NRG3: variants seen among roughly 807,000 people sequenced by gnomAD.
NRG3 encodes the protein neuregulin 3.
In NRG3, 31 loss-of-function variants were observed where a neutral mutation model predicts 66.9. The observed-to-expected ratio is 0.46, with a 90% confidence interval of 0.35 to 0.63. The LOEUF (loss-of-function observed/expected upper bound fraction) is 0.63. NRG3 is among the 20% of genes least tolerant of loss of function. The pLI, the probability that NRG3 is intolerant of heterozygous loss-of-function variation, is 0.00. For synonymous variants in NRG3, 393 were observed against 359.4 expected, an observed-to-expected ratio of 1.09 and a Z score of -1.06; for missense variants, 910 against 878.9, an observed-to-expected ratio of 1.04 and a Z score of -0.45.
intron 2 of NRG3, among the ~76,000 whole-genome samples, chr10:82,577,853 T>C (rs978754404): frequency 2.0e-5 from 3 of 151,856 alleles, no homozygotes; most frequent in Non-Finnish European, 4.4e-5. Context: ...CTCTCAACAA[T>C]TTATTTTCTC....
At chr10:82,290,734 A>G (rs1479339924) in intron 1 of NRG3, among the ~76,000 whole-genome samples, 1 of 151,266 alleles carries the variant, frequency 6.6e-6, no homozygotes, top group Non-Finnish European at 1.5e-5. Flanking sequence ...TCCTGGGTTC[A>G]CACCATCTCC....
chr10:82,372,968 A>C (rs1232897061), intron 2 of NRG3, among the ~76,000 whole-genome samples: 1 of 152,218 alleles, frequency 6.6e-6, no homozygotes, highest in African/African-American at 2.4e-5. Context: ...ATATCCACTT[A>C]AGGATGCGTT....
intron 4 of NRG3, among the ~76,000 whole-genome samples, chr10:82,905,313 C>T (rs1844623617): frequency 6.6e-6 from 1 of 152,104 alleles, no homozygotes; most frequent in Non-Finnish European, 1.5e-5. Context: ...CCATCCAGTC[C>T]TCCATTCCAT....
At chr10:82,863,727 G>T (rs938051461) in intron 3 of NRG3, among the ~76,000 whole-genome samples, 2 of 151,940 alleles carry the variant, frequency 1.3e-5, no homozygotes, top group Non-Finnish European at 2.9e-5. Flanking sequence ...TCTTTGTATT[G>T]CACATTCTCT....
At position 82,141,291 on chromosome 10, in the gene NRG3, G is replaced by A. The variant is rs765601719; in HGVS notation, c.824-217448G>A. Among the ~76,000 whole-genome samples, 4 of 152,080 alleles carry A rather than the reference G, an allele frequency of 2.6e-5. No homozygotes were observed. The South Asian group carries it at 8.3e-4, about 32-fold the overall frequency. On this transcript the variant is annotated intron_variant, in intron 1 of 8. Coordinates refer to ENST00000372141, the MANE Select transcript of NRG3 (RefSeq NM_001010848.4). ...TCTCAAAATTTTTCCTTTTGCAAAT[G>A]TGCTTTTTAGATAACTCACTGGACC...
At chr10:82,600,199 T>G (rs1390918583) in intron 2 of NRG3, among the ~76,000 whole-genome samples, 2 of 152,134 alleles carry the variant, frequency 1.3e-5, no homozygotes, top group African/African-American at 4.8e-5. Context: ...TCAATAGCTG[T>G]AAGTATCAGG....
intron 1 of NRG3, among the ~76,000 whole-genome samples, chr10:82,096,255 T>C (rs2066336169): frequency 6.6e-6 from 1 of 152,076 alleles, no homozygotes. Flanking sequence ...GGTGGGCAGA[T>C]CATGAGGTCA....
At chr10:82,580,877 A>T (rs1044770077) in intron 2 of NRG3, among the ~76,000 whole-genome samples, 2 of 149,266 alleles carry the variant, frequency 1.3e-5, no homozygotes, top group Admixed American at 1.4e-4. Flanking sequence ...GCTGTTAGAA[A>T]CATTTGTATG....
At chr10:82,459,037 G>T (rs1249699123) in intron 2 of NRG3, among the ~76,000 whole-genome samples, 1 of 152,148 alleles carries the variant, frequency 6.6e-6, no homozygotes, top group African/African-American at 2.4e-5. Flanking sequence ...AGCCAGAGCA[G>T]TTTGCTCCAT....
chr10:82,220,430 C>T (rs554113590), intron 1 of NRG3, among the ~76,000 whole-genome samples: 11 of 152,198 alleles, frequency 7.2e-5, no homozygotes, highest in African/African-American at 2.6e-4. Flanking sequence ...AAAACAGCTT[C>T]AGGAAACCTT....
chr10:82,510,699 C>A lies in NRG3; in HGVS notation c.953+151831C>A, dbSNP rs182316272. ...TGAAGTAGGCTAAGGATATTGAGTTCTCTTCCCTTTTATCTCCGTATCCTT... is the reference window on the plus strand; with the variant it reads ...TGAAGTAGGCTAAGGATATTGAGTTATCTTCCCTTTTATCTCCGTATCCTT... On this transcript the variant is annotated intron_variant, in intron 2 of 8. Transcript: ENST00000372141. Among the ~76,000 whole-genome samples the A allele has an allele frequency of 5.3e-5, 8 of 152,312 alleles. No individual in the cohort carries two copies. The East Asian group carries it at 1.4e-3, about 26-fold the overall frequency.
chr10:81,904,827 C>T (rs1844429959), intron 1 of NRG3, among the ~76,000 whole-genome samples: 2 of 152,128 alleles, frequency 1.3e-5, no homozygotes, highest in South Asian at 4.1e-4. Flanking sequence ...CTCCTCTCAG[C>T]CCATGTTTCC....
intron 1 of NRG3, among the ~76,000 whole-genome samples, chr10:82,167,273 A>T (rs1590382365): frequency 6.6e-6 from 1 of 152,044 alleles, no homozygotes; most frequent in Non-Finnish European, 1.5e-5. Context: ...TTATTCTGGC[A>T]TGCAATTAAT....
chr10:81,917,758 T>C (rs1442444577), intron 1 of NRG3, among the ~76,000 whole-genome samples: 1 of 152,242 alleles, frequency 6.6e-6, no homozygotes, highest in Admixed American at 6.5e-5. Flanking sequence ...TCATGCATTT[T>C]AGAAAACGTG....
intron 1 of NRG3, among the ~76,000 whole-genome samples, chr10:82,134,780 AAAATTT>A (rs1415649030): frequency 6.6e-6 from 1 of 151,998 alleles, no homozygotes; most frequent in African/African-American, 2.4e-5. Flanking sequence ...AAATTCATAT[AAAATTT>A]AAATTTAAAT....
chr10:82,444,583 G>A (rs2090617231), intron 2 of NRG3, among the ~76,000 whole-genome samples: 1 of 152,098 alleles, frequency 6.6e-6, no homozygotes, highest in South Asian at 2.1e-4. Flanking sequence ...GAAAATGAGG[G>A]GAGGGCCTTC....
At chr10:81,952,103 A>AG (rs1849417041) in intron 1 of NRG3, among the ~76,000 whole-genome samples, 1 of 145,268 alleles carries the variant, frequency 6.9e-6, no homozygotes, top group Non-Finnish European at 1.5e-5. Context: ...GGGTGGGGGA[A>AG]GGGGGGAGGG....
At chr10:82,629,149 G>A (rs1222132212) in intron 2 of NRG3, among the ~76,000 whole-genome samples, 1 of 152,134 alleles carries the variant, frequency 6.6e-6, no homozygotes, top group Admixed American at 6.5e-5. Flanking sequence ...GATCAGTACA[G>A]GCTGTGCAAC....
chr10:82,310,439 A>G (rs2080963062), intron 1 of NRG3, among the ~76,000 whole-genome samples: 1 of 152,244 alleles, frequency 6.6e-6, no homozygotes, highest in Non-Finnish European at 1.5e-5. Flanking sequence ...ATTCTCTACA[A>G]CATAAAACAG....
Sources: gnomAD v4.1 joint callset for allele counts (sites outside exome capture counted in the v4.1 genomes callset) on GRCh38, gnomAD v4.1.1 for gene constraint, MANE v1.5 for transcripts, NCBI Gene and HGNC (gene_info 2026-07-23, HGNC 2026-07-21) for gene names.